Variants in NT5E observed in about 807,000 individuals in gnomAD.
NT5E encodes the protein 5'-nucleotidase ecto, also known as 5'-nucleotidase.
A neutral mutation model predicts 55.1 loss-of-function variants in NT5E; 53 were observed. The ratio of observed to expected loss-of-function variants is 0.96; its 90% CI spans 0.77 to 1.21. The LOEUF (loss-of-function observed/expected upper bound fraction) is 1.21. NT5E is among the 50% of genes most tolerant of loss of function. NT5E has a pLI of 0.00. For synonymous variants in NT5E, 270 were observed against 278.4 expected (o/e 0.97, Z 0.30); for missense variants, 683 against 724.3 (o/e 0.94, Z 0.65).
chr6:85,487,175 A>G (rs1769685567), intron 4 of NT5E, among the ~76,000 whole-genome samples, 160 bp from the exon 5 acceptor site: 1 of 152,224 alleles, frequency 6.6e-6, no homozygotes. Context: ...AACAAAATAG[A>G]AGTTCCTAAG....
intron 3 of NT5E, 139 bp from the exon 4 acceptor site, chr6:85,485,096 C>A (rs1769621931): frequency 2.5e-6 from 2 of 802,860 alleles, no homozygotes; most frequent in Non-Finnish European, 4.2e-6. Flanking sequence ...AGATAGGGCT[C>A]TGAAAGACTA....
chr6:85,486,296 T>C (rs1344013712), intron 4 of NT5E, among the ~76,000 whole-genome samples: 1 of 152,194 alleles, frequency 6.6e-6, no homozygotes, highest in African/African-American at 2.4e-5. Flanking sequence ...AACCTATGAT[T>C]AGCAAGATAT....
chr6:85,469,546 GGGGGGAA>G, intron 2 of NT5E, among the ~76,000 whole-genome samples: 1 of 152,170 alleles, frequency 6.6e-6, no homozygotes, highest in South Asian at 2.1e-4. Context: ...AAGTGCAGCA[GGGGGGAA>G]GGTATACCTT....
In NT5E at chr6:85,462,185, T is replaced by C. The variant is rs572149633; in HGVS notation, c.340-4875T>C. Among the ~76,000 whole-genome samples the C allele has an allele frequency of 2.6e-5, 4 of 152,158 alleles. No homozygotes were observed. The East Asian group carries it at 7.8e-4, about 30-fold the overall frequency. On this transcript the variant is annotated intron_variant, in intron 1 of 8. Transcript: ENST00000257770. ...CTCCCCTGAGGGAGAGGTGTCTTCCTGCCAGTCTCTTCACCACCAGGCTCA... is the reference window on the plus strand; with the variant it reads ...CTCCCCTGAGGGAGAGGTGTCTTCCCGCCAGTCTCTTCACCACCAGGCTCA...
chr6:85,474,154 G>T (rs1769379328), intron 3 of NT5E, among the ~76,000 whole-genome samples: 1 of 152,130 alleles, frequency 6.6e-6, no homozygotes, highest in Non-Finnish European at 1.5e-5. Context: ...TGTAGCATTT[G>T]CATATGACCT....
chr6:85,486,251 AAC>A (rs1562144659), intron 4 of NT5E, among the ~76,000 whole-genome samples: 1 of 152,230 alleles, frequency 6.6e-6, no homozygotes. Flanking sequence ...AGTAATTTCT[AAC>A]AGAGCCTTAG....
intron 2 of NT5E, among the ~76,000 whole-genome samples, chr6:85,468,629 C>T (rs1286656323): frequency 1.3e-5 from 2 of 152,200 alleles, no homozygotes; most frequent in African/African-American, 4.8e-5. Flanking sequence ...AGTCACAGAA[C>T]AGCAGATAGT....
chr6:85,470,639 G>A (rs1245838802), intron 2 of NT5E, among the ~76,000 whole-genome samples: 2 of 152,040 alleles, frequency 1.3e-5, no homozygotes, highest in Non-Finnish European at 2.9e-5. Context: ...ACAGGGTTTC[G>A]CCATTTTGCC....
chr6:85,482,398 A>G (rs1486565794), intron 3 of NT5E, among the ~76,000 whole-genome samples: 6 of 152,138 alleles, frequency 3.9e-5, no homozygotes, highest in African/African-American at 1.2e-4. Flanking sequence ...AAAGGAAAAA[A>G]GGGAGGGAGG....
chr6:85,458,336 C>T (rs919951189), intron 1 of NT5E, among the ~76,000 whole-genome samples: 2 of 152,232 alleles, frequency 1.3e-5, no homozygotes, highest in Admixed American at 1.3e-4. Flanking sequence ...AACAGCACCA[C>T]TCCCATCCTG....
At chr6:85,466,050 G>C (rs1275804263) in intron 1 of NT5E, among the ~76,000 whole-genome samples, 4 of 152,118 alleles carry the variant, frequency 2.6e-5, no homozygotes, top group East Asian at 1.9e-4. Flanking sequence ...GGTAGGGTAG[G>C]GGGCCCAAGG....
Position 85,494,003 on chromosome 6 carries a change from A to G in NT5E, c.1724A>G (p.Ter575TrpextTer10). ...LWAVIFVLYQ* is the reference protein window; with the variant it reads ...LWAVIFVLYQW ...GCAGTGATCTTTGTTTTATACCAAT[A>G]GCCAAAAATTCTCCTTGCCTTTAAT... The change falls in exon 9 of 9, where the codon TAG becomes TGG. Residue 575 changes from the stop codon to tryptophan, a stop_lost. Transcript: ENST00000257770. 6.2e-7 allele frequency: 1 copy of G among 1,613,900 alleles called. No homozygotes were observed. Among genetic ancestry groups the G allele is most frequent in the African/African-American group, 1.3e-5 (1 of 75,046 alleles).
intron 3 of NT5E, among the ~76,000 whole-genome samples, chr6:85,476,964 A>C (rs1277219487): frequency 6.6e-6 from 1 of 152,048 alleles, no homozygotes; most frequent in East Asian, 1.9e-4. Flanking sequence ...TGGGGATATA[A>C]AGTTCTCACT....
intron 3 of NT5E, among the ~76,000 whole-genome samples, chr6:85,475,634 T>C (rs1769418431): frequency 6.6e-6 from 1 of 152,154 alleles, no homozygotes; most frequent in Non-Finnish European, 1.5e-5. Context: ...TCAGTGCAGG[T>C]TGAAACCTGC....
chr6:85,472,500 A>T (rs1769335853), intron 3 of NT5E, among the ~76,000 whole-genome samples: 1 of 152,240 alleles, frequency 6.6e-6, no homozygotes, highest in Non-Finnish European at 1.5e-5. Flanking sequence ...TATTGGGTCA[A>T]AAGTCCCCAT....
chr6:85,470,941 T>G (rs998640730), intron 2 of NT5E, among the ~76,000 whole-genome samples: 2 of 152,232 alleles, frequency 1.3e-5, no homozygotes, highest in Non-Finnish European at 2.9e-5. Context: ...GAAGTTGAGA[T>G]GTACAAATAT....
In NT5E at chr6:85,493,884, G is replaced by GA. The variant is rs774200574; in HGVS notation, c.1608dup (p.Val537SerfsTer7). 160 of 1,613,908 alleles carry GA rather than the reference G, an allele frequency of 9.9e-5. No individual in the cohort carries two copies. The highest frequency in any genetic ancestry group is 1.3e-4 in the Non-Finnish European group (154 of 1,179,948). ...TGGTTTCTACATATATCTCCAAAAT[G>GA]AAAGTAATTTATCCAGCAGTTGAAG... On this transcript the variant is annotated frameshift_variant, in exon 9 of 9. Coordinates refer to ENST00000257770, the MANE Select transcript of NT5E (RefSeq NM_002526.4). LOFTEE classifies it high-confidence loss of function.
chr6:85,487,253 G>T, intron 4 of NT5E, 82 bp from the exon 5 acceptor site: 1 of 1,247,558 alleles, frequency 8.0e-7, no homozygotes, highest in South Asian at 1.2e-5. Flanking sequence ...CAGCAAGTAA[G>T]ATAGATGATG....
intron 3 of NT5E, among the ~76,000 whole-genome samples, chr6:85,483,691 A>AG (rs1275668798): frequency 6.6e-6 from 1 of 152,170 alleles, no homozygotes; most frequent in Non-Finnish European, 1.5e-5. Context: ...TTGAGCTGAA[A>AG]GGGGGGCTGC....
Sources: allele counts gnomAD v4.1 joint callset (sites outside exome capture counted in the v4.1 genomes callset), GRCh38; gene constraint gnomAD v4.1.1; transcripts MANE v1.5; gene names NCBI Gene and HGNC (gene_info 2026-07-23, HGNC 2026-07-21).